Variants in CTNNA3 observed in about 807,000 individuals in gnomAD.
CTNNA3 encodes the protein catenin alpha 3, also known as catenin alpha-3.
Under a neutral mutation model 95.7 loss-of-function variants are expected in CTNNA3, and 76 were observed. That is an observed-to-expected ratio of 0.79 (90% CI 0.66 to 0.96). CTNNA3 has a LOEUF of 0.96. CTNNA3 is among the 40% of genes least tolerant of loss of function. CTNNA3 has a pLI of 0.00. For missense variants in CTNNA3, 1,191 were observed against 1,089.8 expected (o/e 1.09, Z -1.31); for synonymous variants, 431 against 374.4 (o/e 1.15, Z -1.74).
At chr10:67,597,458 C>T (rs1305915623) in intron 3 of CTNNA3, among the ~76,000 whole-genome samples, 1 of 151,994 alleles carries the variant, frequency 6.6e-6, no homozygotes, top group Non-Finnish European at 1.5e-5. Flanking sequence ...TCTTTGATGC[C>T]CTTGGTGGTT....
At chr10:66,192,454 T>C (rs2086730142) in intron 13 of CTNNA3, among the ~76,000 whole-genome samples, 1 of 152,174 alleles carries the variant, frequency 6.6e-6, no homozygotes, top group South Asian at 2.1e-4. Context: ...GTCATTTTAA[T>C]TTGGTAAGAA....
chr10:66,491,943 C>T (rs1429120257), intron 11 of CTNNA3, among the ~76,000 whole-genome samples: 2 of 151,560 alleles, frequency 1.3e-5, no homozygotes, highest in Non-Finnish European at 2.9e-5. Flanking sequence ...AGAATCTATC[C>T]ATCATTTCAA....
chr10:66,199,778 TA>T (rs2087214834), intron 13 of CTNNA3, among the ~76,000 whole-genome samples: 5 of 8,864 alleles, frequency 5.6e-4, no homozygotes, highest in African/African-American at 1.5e-3. Context: ...TATATATATA[TA>T]TATATATATA....
chr10:66,908,314 T>C (rs1040209021), intron 7 of CTNNA3, among the ~76,000 whole-genome samples: 1 of 152,198 alleles, frequency 6.6e-6, no homozygotes, highest in Admixed American at 6.5e-5. Flanking sequence ...TGTGACTCCA[T>C]GCCAGTTTCT....
At chr10:66,588,788 A>C (rs1843448466) in intron 10 of CTNNA3, among the ~76,000 whole-genome samples, 1 of 152,118 alleles carries the variant, frequency 6.6e-6, no homozygotes, top group Admixed American at 6.5e-5. Context: ...ATCTTGGGTA[A>C]TCTAAGGTAC....
In CTNNA3 at chr10:66,445,362, A is replaced by C. The variant is rs891637450; in HGVS notation, c.1532-66010T>G. Among the ~76,000 whole-genome samples the C allele has an allele frequency of 3.5e-4, 54 of 152,270 alleles. No individual in the cohort carries two copies. In the East Asian group the frequency reaches 5.0e-3, roughly 14 times the overall value. On this transcript the variant is annotated intron_variant, in intron 11 of 17. Coordinates refer to ENST00000433211, the MANE Select transcript of CTNNA3 (RefSeq NM_013266.4). Reference sequence around the variant, plus strand: ...AGAACTCTCCACCCCAAATCAACAGAATATACATTTTTTTTCAGCACCACA... The same window carrying C: ...AGAACTCTCCACCCCAAATCAACAGCATATACATTTTTTTTCAGCACCACA...
intron 17 of CTNNA3, among the ~76,000 whole-genome samples, chr10:65,955,398 GC>G (rs1327784625): frequency 6.6e-6 from 1 of 152,034 alleles, no homozygotes; most frequent in African/African-American, 2.4e-5. Context: ...CTGCCTGATT[GC>G]CCTGGCCAGA....
intron 11 of CTNNA3, among the ~76,000 whole-genome samples, chr10:66,469,422 C>T (rs940630870): frequency 1.3e-4 from 19 of 151,628 alleles, no homozygotes; most frequent in African/African-American, 2.4e-4. Flanking sequence ...TGATTTTTTT[C>T]GCTGTAACCC....
At chr10:67,076,053 C>T (rs1156804160) in intron 7 of CTNNA3, among the ~76,000 whole-genome samples, 4 of 152,196 alleles carry the variant, frequency 2.6e-5, no homozygotes, top group African/African-American at 9.7e-5. Context: ...GAAATGTTCA[C>T]ACCTCCATTT....
In CTNNA3 at chr10:66,950,082, T is replaced by C. The variant is rs189497455; in HGVS notation, c.1048-174558A>G. ...AACAAAACCATGATTTACCACTCTT[T>C]GAACGTCTCCTTCAGGGTCTATCTC... On this transcript the variant is annotated intron_variant, in intron 7 of 17. Transcript: ENST00000433211. Among the ~76,000 whole-genome samples, 1,185 of 152,320 alleles carry C rather than the reference T, an allele frequency of 7.8e-3. 18 individuals are homozygous for C. The highest frequency in any genetic ancestry group is 0.027 in the African/African-American group (1,116 of 41,576).
intron 7 of CTNNA3, among the ~76,000 whole-genome samples, chr10:67,095,222 T>C (rs12785206): frequency 0.26 from 39,339 of 151,478 alleles, 6,033 homozygotes; most frequent in Middle Eastern, 0.42. Context: ...ACTATGTTAT[T>C]TTATTGTTAA....
intron 3 of CTNNA3, among the ~76,000 whole-genome samples, chr10:67,558,560 C>T (rs1025531668): frequency 1.2e-4 from 18 of 152,216 alleles, no homozygotes; most frequent in Non-Finnish European, 1.3e-4. Flanking sequence ...GCGTGAGCGA[C>T]GCAGAAGACG....
chr10:67,519,753 C>G (rs2394410), intron 5 of CTNNA3, among the ~76,000 whole-genome samples: 19,993 of 152,120 alleles, frequency 0.13, 1,613 homozygotes, highest in East Asian at 0.31. Flanking sequence ...GACTAATTCT[C>G]TAATACAAAG....
intron 16 of CTNNA3, among the ~76,000 whole-genome samples, chr10:65,984,562 T>C (rs1030661109): frequency 4.0e-5 from 6 of 151,302 alleles, no homozygotes; most frequent in African/African-American, 2.4e-5. Context: ...AGTAAGATGA[T>C]ACTTTTGCTT....
chr10:66,201,342 C>T (rs2087392622), intron 13 of CTNNA3, among the ~76,000 whole-genome samples: 1 of 152,150 alleles, frequency 6.6e-6, no homozygotes, highest in Non-Finnish European at 1.5e-5. Flanking sequence ...ATCTTTCCTA[C>T]CACCTTTTTC....
At chr10:66,810,407 T>G (rs944257813) in intron 7 of CTNNA3, among the ~76,000 whole-genome samples, 4 of 152,118 alleles carry the variant, frequency 2.6e-5, no homozygotes, top group Non-Finnish European at 5.9e-5. Flanking sequence ...ACTGAAGTCA[T>G]CTTAGATCAC....
intron 1 of CTNNA3, among the ~76,000 whole-genome samples, chr10:67,725,537 T>C (rs1159847415): frequency 2.0e-5 from 3 of 152,098 alleles, no homozygotes; most frequent in Non-Finnish European, 4.4e-5. Flanking sequence ...CAAGACACTT[T>C]TATTTCTCCC....
At chr10:67,017,643 G>A (rs1035720563) in intron 7 of CTNNA3, among the ~76,000 whole-genome samples, 1 of 151,980 alleles carries the variant, frequency 6.6e-6, no homozygotes, top group Non-Finnish European at 1.5e-5. Context: ...GGAAGTGGAG[G>A]TATTTGAAAA....
intron 9 of CTNNA3, among the ~76,000 whole-genome samples, chr10:66,629,825 C>T (rs538678220): frequency 6.6e-6 from 1 of 152,260 alleles, no homozygotes; most frequent in Non-Finnish European, 1.5e-5. Context: ...CTCTTCCTCC[C>T]TTTTCACAGC....
Sources: allele counts gnomAD v4.1 joint callset (sites outside exome capture counted in the v4.1 genomes callset), GRCh38; gene constraint gnomAD v4.1.1; transcripts MANE v1.5; gene names NCBI Gene and HGNC (gene_info 2026-07-23, HGNC 2026-07-21).